The following MAP3K13 variants were observed in gnomAD, a reference collection of about 807,000 sequenced individuals.
MAP3K13 encodes the protein mitogen-activated protein kinase kinase kinase 13, also known as leucine zipper-bearing kinase.
Under a neutral mutation model 104.0 loss-of-function variants are expected in MAP3K13, and 52 were observed. The observed-to-expected ratio is 0.50, with a 90% CI of 0.40 to 0.63. The LOEUF is 0.63. MAP3K13 is among the 20% of genes least tolerant of loss of function. The pLI is 0.00. For synonymous variants in MAP3K13, 394 were observed against 442.2 expected (o/e 0.89, Z 1.37); for missense variants, 914 against 1,218.5 (o/e 0.75, Z 3.72).
intron 2 of MAP3K13, among the ~76,000 whole-genome samples, chr3:185,298,047 C>G (rs909980477): frequency 6.6e-6 from 1 of 151,340 alleles, no homozygotes; most frequent in Non-Finnish European, 1.5e-5. Flanking sequence ...GGGAACGTGG[C>G]GACGGACTAC....
intron 2 of MAP3K13, among the ~76,000 whole-genome samples, chr3:185,296,451 T>C (rs1006918445): frequency 6.6e-6 from 1 of 152,238 alleles, no homozygotes; most frequent in African/African-American, 2.4e-5. Flanking sequence ...GTACTTGATA[T>C]TCCCTGTGCC....
In MAP3K13 at chr3:185,473,962, T is replaced by C. The variant is rs191155177; in HGVS notation, c.2430+201T>C. ...AAGTGATAAACTACGGAATACACTT[T>C]AGCAACTACTGAACCAGAGGACTGA... On this transcript the variant is annotated intron_variant, in intron 11 of 13. Transcript: ENST00000265026. The surrounding 1 kb of genome is among the most constrained non-coding windows in gnomAD (Gnocchi z 4.9). Among the ~76,000 whole-genome samples the C allele has an allele frequency of 3.9e-5, 6 of 152,344 alleles. No homozygotes were observed. The highest frequency in any genetic ancestry group is 1.3e-4 in the Admixed American group (2 of 15,294).
At chr3:185,364,295 A>C (rs1235088326) in intron 1 of MAP3K13, among the ~76,000 whole-genome samples, 1 of 152,206 alleles carries the variant, frequency 6.6e-6, no homozygotes, top group Non-Finnish European at 1.5e-5. Flanking sequence ...TTCTGGTGAA[A>C]GTTGTGAGAG....
Position 185,418,645 on chromosome 3 carries a change from C to T in MAP3K13, c.-85-9852C>T, listed in dbSNP as rs758871241. On this transcript the variant is annotated intron_variant, in intron 1 of 13. Transcript: ENST00000265026. This position sits in a 1 kb window ranked among gnomAD's most constrained non-coding sequence, Gnocchi z 4.5. The stretch of plus-strand genomic sequence containing the variant: ...AGCGTAGGGCTGTCTGTTGTTTTTG[C>T]GCAAGTTGGTGTGAACAAAGTTCAC... 18 of 1,611,800 alleles carry T rather than the reference C, an allele frequency of 1.1e-5. No individual in the cohort carries two copies. The highest frequency in any genetic ancestry group is 1.5e-5 in the Non-Finnish European group (18 of 1,179,190).
chr3:185,305,749 A>T (rs1721270167), intron 2 of MAP3K13, among the ~76,000 whole-genome samples: 1 of 152,078 alleles, frequency 6.6e-6, no homozygotes, highest in African/African-American at 2.4e-5. Context: ...AAAATTTTTG[A>T]AATTGTATAT....
At chr3:185,404,287 A>T (rs957255140) in intron 1 of MAP3K13, among the ~76,000 whole-genome samples, 1 of 152,242 alleles carries the variant, frequency 6.6e-6, no homozygotes, top group Non-Finnish European at 1.5e-5. Context: ...GTTTTCAGTA[A>T]GCAGAAAATA....
At chr3:185,310,016 G>C (rs556715032) in intron 2 of MAP3K13, among the ~76,000 whole-genome samples, 1 of 152,294 alleles carries the variant, frequency 6.6e-6, no homozygotes, top group East Asian at 1.9e-4. Context: ...CTACTGCTGA[G>C]GGAGGGACAA....
chr3:185,345,349 T>C (rs1239679635), intron 2 of MAP3K13, among the ~76,000 whole-genome samples: 1 of 152,170 alleles, frequency 6.6e-6, no homozygotes, highest in Non-Finnish European at 1.5e-5. Context: ...TCCCTCACTC[T>C]AGTGAAAAGA....
intron 1 of MAP3K13, among the ~76,000 whole-genome samples, chr3:185,285,046 G>C (rs779779832): frequency 1.4e-4 from 22 of 152,062 alleles, no homozygotes; most frequent in Non-Finnish European, 2.6e-4. Context: ...GTGTGTGTGT[G>C]TGTGTGTTTT....
At chr3:185,283,688 A>C (rs975225052) in intron 1 of MAP3K13, among the ~76,000 whole-genome samples, 1 of 152,102 alleles carries the variant, frequency 6.6e-6, no homozygotes, top group Admixed American at 6.6e-5. Flanking sequence ...AAATTCAGAA[A>C]TGTGTCTTAG....
intron 12 of MAP3K13, 84 bp from the exon 13 acceptor site, chr3:185,480,148 C>A: frequency 7.6e-7 from 1 of 1,318,040 alleles, no homozygotes; most frequent in Non-Finnish European, 1.0e-6. Flanking sequence ...ACTAGATTAT[C>A]TCTACCACTA....
rs974841864 is a variant in MAP3K13, at chr3:185,397,860, G to A, written c.-85-30637G>A. Among the ~76,000 whole-genome samples, 8 of 152,282 alleles carry A rather than the reference G, an allele frequency of 5.3e-5. No homozygotes were observed. In the East Asian group the frequency reaches 9.6e-4, roughly 18 times the overall value. On this transcript the variant is annotated intron_variant, in intron 1 of 13. Transcript: ENST00000265026. Reference sequence around the variant, plus strand: ...GTTGGTTCCCGGCCTGTCAGTGGCCGTGTGGATGAGACTGGAGCGGAGCCT... The same window carrying A: ...GTTGGTTCCCGGCCTGTCAGTGGCCATGTGGATGAGACTGGAGCGGAGCCT...
At chr3:185,342,048 T>C (rs1462455994) in intron 2 of MAP3K13, among the ~76,000 whole-genome samples, 2 of 152,154 alleles carry the variant, frequency 1.3e-5, no homozygotes, top group African/African-American at 4.8e-5. Context: ...GACTCAGATG[T>C]CCCTGCAGAA....
chr3:185,473,179 C>T lies in MAP3K13; in HGVS notation c.1848C>T (p.Pro616=). 1.2e-6 allele frequency: 2 copies of T among 1,614,172 alleles called. No homozygotes were observed. Among genetic ancestry groups the T allele is most frequent in the Non-Finnish European group, 1.7e-6 (2 of 1,180,026 alleles). The change falls in exon 11 of 14, where the codon CCC becomes CCT. Residue 616 remains proline (P), a synonymous_variant. Transcript: ENST00000265026. This position sits in a 1 kb window ranked among gnomAD's most constrained non-coding sequence, Gnocchi z 4.9. ...LKNQPAQENS[P]HPTYLHQAQS... is the part of the protein sequence containing the mutation. ...ACCAGCCAGCCCAGGAAAATTCACC[C>T]CATCCCACTTACCTGCACCAAGCTC... is the stretch of plus-strand genomic sequence containing the variant.
At chr3:185,346,555 A>G (rs906877772) in intron 2 of MAP3K13, among the ~76,000 whole-genome samples, 28 of 152,242 alleles carry the variant, frequency 1.8e-4, no homozygotes, top group Non-Finnish European at 8.8e-5. Context: ...AATACCTTCC[A>G]TTGTTAGGAG....
rs979001892 is a variant in MAP3K13, at chr3:185,315,497, C to T, written c.-86+29854C>T. Among the ~76,000 whole-genome samples, 1 of 151,972 alleles carries T rather than the reference C, an allele frequency of 6.6e-6. No individual in the cohort carries two copies. The highest frequency in any genetic ancestry group is 6.5e-5 in the Admixed American group (1 of 15,270). ...GATGCTGATACTGCTGGTCCAGCGA[C>T]CATTAATTGAGAACGACTGCATTAG... On this transcript the variant is annotated intron_variant, in intron 2 of 14. Coordinates refer to the MAP3K13 transcript ENST00000424227. This position sits in a 1 kb window ranked among gnomAD's most constrained non-coding sequence, Gnocchi z 4.3.
chr3:185,285,725 G>A, intron 2 of MAP3K13: 1 of 1,170,794 alleles, frequency 8.5e-7, no homozygotes, highest in Non-Finnish European at 1.2e-6. Context: ...GATTGTAATT[G>A]AAAAGTACAG....
chr3:185,478,513 A>G (rs1327573243), intron 12 of MAP3K13, among the ~76,000 whole-genome samples: 1 of 152,014 alleles, frequency 6.6e-6, no homozygotes, highest in Non-Finnish European at 1.5e-5. Context: ...TTATATATCC[A>G]TGATCTGCCC....
upstream of MAP3K13, among the ~76,000 whole-genome samples, chr3:185,358,756 A>G (rs2108738852): frequency 6.6e-6 from 1 of 152,332 alleles, no homozygotes; most frequent in Admixed American, 6.5e-5. Context: ...ATGAAAGTGG[A>G]GAATTCTGAC....
Sources: allele counts gnomAD v4.1 joint callset (sites outside exome capture counted in the v4.1 genomes callset), GRCh38; gene constraint gnomAD v4.1.1; non-coding constraint Gnocchi (gnomAD v3.1); transcripts MANE v1.5; gene names NCBI Gene and HGNC (gene_info 2026-07-23, HGNC 2026-07-21).